Variants in CTBP1 observed in about 807,000 individuals in gnomAD.
The protein encoded by CTBP1 is C-terminal binding protein 1, also known as C-terminal-binding protein 1.
CTBP1 carries 11 observed loss-of-function variants against 42.1 expected under a neutral mutation model. That is an observed-to-expected ratio of 0.26 (90% confidence interval 0.16 to 0.43). The LOEUF (loss-of-function observed/expected upper bound fraction) is 0.43. Ranked by LOEUF, CTBP1 falls within the 20% of genes least tolerant of loss-of-function variation. CTBP1 has a pLI of 1.00. For synonymous variants in CTBP1, 324 were observed against 277.1 expected (o/e 1.17, Z -1.68); for missense variants, 399 against 624.3 (o/e 0.64, Z 3.85).
chr4:1,223,117 A>C (rs1049103852), intron 5 of CTBP1, among the ~76,000 whole-genome samples: 17 of 152,062 alleles, frequency 1.1e-4, no homozygotes, highest in Non-Finnish European at 1.8e-4. Context: ...ACGAATCTGA[A>C]GGTCCACAGA....
rs1458850787 is a variant in CTBP1, at chr4:1,233,448, A to G, written c.162+4735T>C. 6.6e-6 allele frequency among the ~76,000 whole-genome samples: 1 copy of G among 152,140 alleles called. No homozygotes were observed. The highest frequency in any genetic ancestry group is 2.4e-5 in the African/African-American group (1 of 41,416). On this transcript the variant is annotated intron_variant, in intron 3 of 9. Coordinates refer to ENST00000382952, the MANE Select transcript of CTBP1 (RefSeq NM_001012614.2). This position sits in a 1 kb window ranked among gnomAD's most constrained non-coding sequence, Gnocchi z 4.6. ...AGCTGGCTGCAGGTCCTCGCAGGCCACTGCGTCCTGTGCCCTCCCGGAGCC... is the reference window on the plus strand; with the variant it reads ...AGCTGGCTGCAGGTCCTCGCAGGCCGCTGCGTCCTGTGCCCTCCCGGAGCC...
Position 1,244,752 on chromosome 4 carries a change from C to T in CTBP1, c.-188-3233G>A, listed in dbSNP as rs556982791. The T allele has an allele frequency of 6.7e-5, 66 of 985,316 alleles. 1 individual carries two copies. The East Asian group carries it at 6.5e-3, about 97-fold the overall frequency. The allele number at this position is 985,316 out of a possible 1,614,324, so 61.0% of individuals were successfully genotyped here. On this transcript the variant is annotated intron_variant, in intron 1 of 9. Coordinates refer to ENST00000382952, the MANE Select transcript of CTBP1 (RefSeq NM_001012614.2). ...TTACTCCGGGCTCGAGTGGCCCTCT[C>T]GTGACAAAGCTGCCCTGCCGTGAGT...
Position 1,212,263 on chromosome 4 carries a change from C to T in CTBP1, c.1267G>A (p.Asp423Asn). ...GQTVKPEADR[D>N]HASDQL is the part of the protein sequence containing the mutation. ...GGCTACAACTGGTCACTGGCGTGGTCTCTATCCGCCTCGGGCTTGACGGTT... is the reference window on the plus strand; with the variant it reads ...GGCTACAACTGGTCACTGGCGTGGTTTCTATCCGCCTCGGGCTTGACGGTT... The change falls in exon 10 of 10, where the codon GAC (aspartate) becomes AAC (asparagine). Residue 423 changes from aspartate to asparagine, a missense_variant. Asp to Asn is a conservative substitution (Grantham distance 23, BLOSUM62 1). Coordinates refer to ENST00000382952, the MANE Select transcript of CTBP1 (RefSeq NM_001012614.2). 6.6e-7 allele frequency: 1 copy of T among 1,521,848 alleles called. No individual in the cohort carries two copies. Among genetic ancestry groups the T allele is most frequent in the Non-Finnish European group, 8.8e-7 (1 of 1,135,850 alleles). 94.3% of individuals were successfully genotyped at this position (1,521,848 alleles called of 1,614,324 possible).
At chr4:1,241,235 C>G in intron 2 of CTBP1, 90 bp downstream of exon 2, 2 of 779,258 alleles carry the variant, frequency 2.6e-6, no homozygotes, top group South Asian at 2.7e-5. Flanking sequence ...CCAGGTCCCT[C>G]GACTTGATCC....
chr4:1,236,010 G>T, intron 3 of CTBP1: 1 of 152,784 alleles, frequency 6.5e-6, no homozygotes, highest in Non-Finnish European at 1.5e-5. Flanking sequence ...TCACCTTTCA[G>T]GCCATGGATA....
At chr4:1,228,915 G>A (rs1205460905) in intron 3 of CTBP1, among the ~76,000 whole-genome samples, 3 of 152,240 alleles carry the variant, frequency 2.0e-5, no homozygotes, top group East Asian at 1.9e-4. Flanking sequence ...CACTGCCCCC[G>A]TGTCGCCCAA....
At chr4:1,231,138 C>G (rs1250113) in intron 3 of CTBP1, 108,430 of 152,218 alleles carry the variant, frequency 0.71, 40,517 homozygotes, top group Non-Finnish European at 0.84. Flanking sequence ...TGCAGGGCCA[C>G]AGCTGCTAGC....
chr4:1,214,520 G>T (rs889377002), intron 6 of CTBP1, 47 bp from the exon 7 acceptor site: 6 of 1,518,076 alleles, frequency 4.0e-6, no homozygotes, highest in Non-Finnish European at 4.4e-6. Flanking sequence ...ATCCGCACAG[G>T]GCGGGCAGCC....
intron 5 of CTBP1, chr4:1,217,705 C>T (rs961304193): frequency 6.6e-6 from 1 of 152,362 alleles, no homozygotes; most frequent in African/African-American, 2.4e-5. Flanking sequence ...TCACTTCTGT[C>T]TCTGCCATTC....
Position 1,212,723 on chromosome 4 carries a change from C to G in CTBP1, c.1106+190G>C, listed in dbSNP as rs900849834. 7 of 633,302 alleles carry G rather than the reference C, an allele frequency of 1.1e-5. No homozygotes were observed. The Admixed American group carries it at 1.2e-4, about 10-fold the overall frequency. 39.2% of individuals were successfully genotyped at this position (633,302 alleles called of 1,614,324 possible). A position where few individuals can be genotyped will look rare whatever the true frequency, so the allele number is the denominator to read the frequency against. ...TGTCCACTGAGCCCTGAAGGCCACC[C>G]CAGCCCAGGCTCCTTCCAAGAGGCC... On this transcript the variant is annotated intron_variant, in intron 9 of 9. Transcript: ENST00000382952.
At chr4:1,226,931 G>C (rs1299846336) in intron 4 of CTBP1, among the ~76,000 whole-genome samples, 1 of 152,042 alleles carries the variant, frequency 6.6e-6, no homozygotes, top group Non-Finnish European at 1.5e-5. Context: ...ACTTTGCAAT[G>C]CCATAAACTG....
chr4:1,240,845 C>T (rs1732104542), intron 2 of CTBP1, among the ~76,000 whole-genome samples: 1 of 152,178 alleles, frequency 6.6e-6, no homozygotes, highest in Non-Finnish European at 1.5e-5. Context: ...ACGGCCTGTG[C>T]TGAAGCAGGC....
Position 1,212,329 on chromosome 4 carries a change from G to T in CTBP1, c.1201C>A (p.Pro401Thr). ...PSAMSLSHGL[P>T]PVAHPPHAPS... ...GCGTGGGGCGGGTGGGCCACAGGGG[G>T]CAGGCCGTGGGACAGGGACATGGCG... Residue 401 changes from proline (P) to threonine (T), a missense_variant, in exon 10 of 10, where the codon CCC becomes ACC. By Grantham distance (38) the Pro-to-Thr change is conservative. This residue lies in a region of CTBP1 where 60 missense variants were observed against 46.5 expected (regional missense o/e 1.29). Transcript: ENST00000382952. The T allele has an allele frequency of 6.6e-7, 1 of 1,519,614 alleles. No homozygotes were observed. The highest frequency in any genetic ancestry group is 8.8e-7 in the Non-Finnish European group (1 of 1,137,954). 94.1% of individuals were successfully genotyped at this position (1,519,614 alleles called of 1,614,324 possible). A position where few individuals can be genotyped will look rare whatever the true frequency, so the allele number is the denominator to read the frequency against.
At chr4:1,248,744 G>A (rs1476510978) in intron 1 of CTBP1, 172 bp downstream of exon 1, 18 of 979,506 alleles carry the variant, frequency 1.8e-5, no homozygotes, top group African/African-American at 5.3e-5. Context: ...CCTTCCCGCG[G>A]TCCCGCCCCC....
At chr4:1,224,167 C>G (rs2108744899) in intron 5 of CTBP1, among the ~76,000 whole-genome samples, 1 of 152,312 alleles carries the variant, frequency 6.6e-6, no homozygotes, top group African/African-American at 2.4e-5. Context: ...CGGTATCTAT[C>G]TGCGTACGTG....
In CTBP1 at chr4:1,233,642, G is replaced by A. The variant is rs986648185; in HGVS notation, c.162+4541C>T. Among the ~76,000 whole-genome samples the A allele has an allele frequency of 9.9e-5, 15 of 152,064 alleles. No homozygotes were observed. The highest frequency in any genetic ancestry group is 2.2e-4 in the African/African-American group (9 of 41,400). ...GGGGCTGGGCTGAGTCTTGTGTCCC[G>A]GTGGGTGACATCCCCCACCCGTGGT... On this transcript the variant is annotated intron_variant, in intron 3 of 9. Transcript: ENST00000382952. This position sits in a 1 kb window ranked among gnomAD's most constrained non-coding sequence, Gnocchi z 4.6.
At chr4:1,218,485 G>A (rs1351525242) in intron 5 of CTBP1, 1 of 152,168 alleles carries the variant, frequency 6.6e-6, no homozygotes, top group Non-Finnish European at 1.5e-5. Context: ...TTCTAAGACA[G>A]TCTTTAGGCT....
At chr4:1,223,575 T>C (rs964508627) in intron 5 of CTBP1, 6 of 447,032 alleles carry the variant, frequency 1.3e-5, no homozygotes, top group African/African-American at 1.0e-4. Context: ...GCAAGGCCCT[T>C]GCATCCCCAT....
chr4:1,245,542 C>A (rs142101837), intron 1 of CTBP1: 40 of 983,766 alleles, frequency 4.1e-5, no homozygotes, highest in Non-Finnish European at 4.7e-5. Context: ...CACAGACGGG[C>A]GGCAGGTCAG....
Sources: allele counts gnomAD v4.1 joint callset (sites outside exome capture counted in the v4.1 genomes callset), GRCh38; gene constraint gnomAD v4.1.1; regional missense constraint gnomAD v4.1.1; non-coding constraint Gnocchi (gnomAD v3.1); transcripts MANE v1.5; gene names NCBI Gene and HGNC (gene_info 2026-07-23, HGNC 2026-07-21).